PDE4B: variants seen among roughly 807,000 people sequenced by gnomAD.
The protein encoded by PDE4B is 3',5'-cyclic-AMP phosphodiesterase 4B.
Under a neutral mutation model 82.2 loss-of-function variants are expected in PDE4B, and 20 were observed. The observed-to-expected ratio is 0.24, with a 90% CI of 0.17 to 0.35. The LOEUF (loss-of-function observed/expected upper bound fraction) is 0.35. Among genes scored for constraint, PDE4B ranks in the 10% least tolerant of loss-of-function variants. The pLI, the probability that PDE4B is intolerant of heterozygous loss-of-function variation, is 1.00. For synonymous variants in PDE4B, 320 were observed against 318.9 expected, an observed-to-expected ratio of 1.00 and a Z score of -0.04; for missense variants, 655 against 907.2, an observed-to-expected ratio of 0.72 and a Z score of 3.57.
intron 3 of PDE4B, among the ~76,000 whole-genome samples, chr1:66,036,822 T>A (rs1248100728): frequency 6.6e-6 from 1 of 152,144 alleles, no homozygotes; most frequent in Non-Finnish European, 1.5e-5. Flanking sequence ...TCTTTTATGA[T>A]TCCGTACAAA....
rs58537930 is a variant in PDE4B, at chr1:66,041,829, T to TACACAC, written c.281+123008_281+123013dup. On this transcript the variant is annotated intron_variant, in intron 3 of 16. Transcript: ENST00000341517. ...ACACACACACACACACACACACACA[T>TACACAC]ACACACACACACACACACAGAATAC... Among the ~76,000 whole-genome samples the TACACAC allele has an allele frequency of 8.1e-3, 1,175 of 145,674 alleles. 7 individuals are homozygous for TACACAC. Among genetic ancestry groups the TACACAC allele is most frequent in the African/African-American group, 0.014 (555 of 39,820 alleles).
At chr1:66,343,422 C>CAA (rs1483017058) in intron 8 of PDE4B, among the ~76,000 whole-genome samples, 2 of 152,196 alleles carry the variant, frequency 1.3e-5, no homozygotes, top group Non-Finnish European at 2.9e-5. Context: ...CCTAGGACGC[C>CAA]AAACTGTGGG....
At chr1:66,269,334 C>G (rs1475529596) in intron 7 of PDE4B, among the ~76,000 whole-genome samples, 3 of 152,176 alleles carry the variant, frequency 2.0e-5, no homozygotes, top group Non-Finnish European at 2.9e-5. Context: ...CCAGAAAGAA[C>G]AACGAGGAAG....
At chr1:66,225,352 G>A (rs554635855) in intron 3 of PDE4B, among the ~76,000 whole-genome samples, 2 of 152,282 alleles carry the variant, frequency 1.3e-5, no homozygotes, top group African/African-American at 4.8e-5. Context: ...AAAACTCATG[G>A]CACAATATCA....
At chr1:65,876,137 T>A (rs1646640960) in intron 1 of PDE4B, among the ~76,000 whole-genome samples, 1 of 152,106 alleles carries the variant, frequency 6.6e-6, no homozygotes, top group Non-Finnish European at 1.5e-5. Context: ...TTATTACATA[T>A]CCTAAATCTT....
intron 3 of PDE4B, among the ~76,000 whole-genome samples, chr1:66,061,075 A>G (rs2100896448): frequency 6.6e-6 from 1 of 151,854 alleles, no homozygotes; most frequent in African/African-American, 2.4e-5. Flanking sequence ...GGGAATCTCT[A>G]GAACACGTTC....
chr1:66,147,084 A>T (rs1646289828), intron 3 of PDE4B, among the ~76,000 whole-genome samples: 2 of 152,218 alleles, frequency 1.3e-5, no homozygotes, highest in African/African-American at 4.8e-5. Context: ...CAAGTGAAAA[A>T]TTTTGTGCAG....
At chr1:66,274,953 T>A (rs1655770862) in intron 7 of PDE4B, among the ~76,000 whole-genome samples, 1 of 152,166 alleles carries the variant, frequency 6.6e-6, no homozygotes, top group South Asian at 2.1e-4. Flanking sequence ...TAAGACTTTT[T>A]TTTTCCTCCT....
intron 9 of PDE4B, among the ~76,000 whole-genome samples, chr1:66,357,762 G>C (rs1380133213): frequency 6.6e-6 from 1 of 152,010 alleles, no homozygotes; most frequent in Non-Finnish European, 1.5e-5. Flanking sequence ...AAAAAAACCT[G>C]TAATATTAAC....
chr1:66,152,256 G>A (rs1570351731), intron 3 of PDE4B: 1 of 158,910 alleles, frequency 6.3e-6, no homozygotes. Context: ...TCAATGACAA[G>A]CTTTGTTCTC....
chr1:66,181,723 G>A (rs994764869), intron 3 of PDE4B, among the ~76,000 whole-genome samples: 12 of 151,990 alleles, frequency 7.9e-5, no homozygotes, highest in African/African-American at 2.9e-4. Flanking sequence ...AGCATTGTTT[G>A]CCAACAAATA....
intron 3 of PDE4B, among the ~76,000 whole-genome samples, chr1:65,968,095 A>G (rs1442698624): frequency 6.6e-6 from 1 of 152,120 alleles, no homozygotes; most frequent in Non-Finnish European, 1.5e-5. Context: ...TGTGTTGCTA[A>G]TACATAGAAT....
In PDE4B at chr1:66,374,568, A is replaced by G. The variant is rs754402003; in HGVS notation, c.*1890A>G. 4 of 152,672 alleles carry G rather than the reference A, an allele frequency of 2.6e-5. No homozygotes were observed. Among genetic ancestry groups the G allele is most frequent in the African/African-American group, 9.6e-5 (4 of 41,464 alleles). 9.5% of individuals were successfully genotyped at this position (152,672 alleles called of 1,614,324 possible). ...TTATATGAGGTGAATAAAGAAAAGCATGATTAGATTAGTCTGTAGGCCCAC... is the reference window on the plus strand; with the variant it reads ...TTATATGAGGTGAATAAAGAAAAGCGTGATTAGATTAGTCTGTAGGCCCAC... On this transcript the variant is annotated 3_prime_UTR_variant, in exon 17 of 17. Coordinates refer to ENST00000341517, the MANE Select transcript of PDE4B (RefSeq NM_002600.4).
chr1:66,348,814 G>T (rs998891991), intron 8 of PDE4B, among the ~76,000 whole-genome samples: 7 of 151,800 alleles, frequency 4.6e-5, no homozygotes, highest in African/African-American at 1.4e-4. Context: ...AGTTTAAAAT[G>T]CATAGTGAAT....
intron 1 of PDE4B, among the ~76,000 whole-genome samples, chr1:65,851,003 T>C (rs1193738437): frequency 6.6e-6 from 1 of 152,204 alleles, no homozygotes; most frequent in African/African-American, 2.4e-5. Flanking sequence ...GAGGTTCACA[T>C]GTATGTGAAT....
At chr1:65,854,142 C>T (rs1167187724) in intron 1 of PDE4B, among the ~76,000 whole-genome samples, 1 of 151,902 alleles carries the variant, frequency 6.6e-6, no homozygotes, top group Non-Finnish European at 1.5e-5. Flanking sequence ...CCCACCTATA[C>T]TTCTACCTGT....
At chr1:65,958,788 T>C (rs1336874291) in intron 3 of PDE4B, among the ~76,000 whole-genome samples, 1 of 151,740 alleles carries the variant, frequency 6.6e-6, no homozygotes, top group Non-Finnish European at 1.5e-5. Context: ...ACACGCAAAA[T>C]ACCATAGTGT....
intron 3 of PDE4B, among the ~76,000 whole-genome samples, chr1:66,032,844 C>T (rs1174970638): frequency 6.6e-6 from 1 of 151,046 alleles, no homozygotes; most frequent in East Asian, 1.9e-4. Flanking sequence ...TTAGTGGAGA[C>T]GGGGTTTCAC....
intron 3 of PDE4B, among the ~76,000 whole-genome samples, chr1:66,105,075 C>T (rs1163129942): frequency 6.6e-6 from 1 of 152,096 alleles, no homozygotes; most frequent in African/African-American, 2.4e-5. Flanking sequence ...GGTTTTAGGT[C>T]TAACGTTTAT....
Sources: allele counts gnomAD v4.1 joint callset (sites outside exome capture counted in the v4.1 genomes callset), GRCh38; gene constraint gnomAD v4.1.1; transcripts MANE v1.5; gene names NCBI Gene and HGNC (gene_info 2026-07-23, HGNC 2026-07-21).